Variants in ST3GAL1 observed in about 807,000 individuals in gnomAD.
ST3GAL1 encodes CMP-N-acetylneuraminate-beta-galactosamide-alpha-2,3-sialyltransferase 1.
A neutral mutation model predicts 34.1 loss-of-function variants in ST3GAL1; 16 were observed. That is an observed-to-expected ratio of 0.47 (90% CI 0.32 to 0.71). The LOEUF (loss-of-function observed/expected upper bound fraction) is 0.71. Ranked by LOEUF, ST3GAL1 falls within the 30% of genes least tolerant of loss-of-function variation. The probability of loss-of-function intolerance (pLI) is 0.04; values close to 1 mark genes in which losing one functional copy is unlikely to be tolerated. For missense variants in ST3GAL1, 353 were observed against 447.4 expected (o/e 0.79, Z 1.90); for synonymous variants, 191 against 184.7 (o/e 1.03, Z -0.28).
intron 3 of ST3GAL1, among the ~76,000 whole-genome samples, chr8:133,492,144 G>A (rs972390452): frequency 1.3e-5 from 2 of 152,148 alleles, no homozygotes; most frequent in Non-Finnish European, 2.9e-5. Flanking sequence ...CAGAGGCCCA[G>A]CAAGCAGGTG....
At position 133,508,037 on chromosome 8, in the gene ST3GAL1, CACAG is replaced by C. The variant is rs755147401; in HGVS notation, c.-428-8852_-428-8849del. On this transcript the variant is annotated intron_variant, in intron 2 of 9. Coordinates refer to ENST00000522652, the MANE Select transcript of ST3GAL1 (RefSeq NM_173344.3). The surrounding 1 kb of genome is among the most constrained non-coding windows in gnomAD (Gnocchi z 4.1). ...CTCACCCCCCACACCCTAGGCAGCC[CACAG>C]ACAATGACAGAGGGACATGGGGTTA... 2.4e-4 allele frequency among the ~76,000 whole-genome samples: 36 copies of C among 152,316 alleles called. No individual in the cohort carries two copies. The highest frequency in any genetic ancestry group is 5.0e-4 in the Non-Finnish European group (34 of 68,018).
In ST3GAL1 at chr8:133,555,047, A is replaced by G. The variant is rs1046663889; in HGVS notation, c.-581-9121T>C. Among the ~76,000 whole-genome samples the G allele has an allele frequency of 4.7e-5, 7 of 150,514 alleles. No homozygotes were observed. The South Asian group carries it at 1.5e-3, about 32-fold the overall frequency. ...CAGCCTACTTGGGTTTTTCTACTTC[A>G]CTCTGAGGGCTGGGGAGACAAGGGA... On this transcript the variant is annotated intron_variant, in intron 1 of 9. Transcript: ENST00000522652.
At chr8:133,474,195 A>G in intron 5 of ST3GAL1, among the ~76,000 whole-genome samples, 1 of 152,176 alleles carries the variant, frequency 6.6e-6, no homozygotes. Flanking sequence ...TCACTCCTGT[A>G]GGAAGCCTTC....
intron 3 of ST3GAL1, among the ~76,000 whole-genome samples, chr8:133,485,475 C>A (rs1194390748): frequency 6.6e-6 from 1 of 152,238 alleles, no homozygotes; most frequent in Non-Finnish European, 1.5e-5. Flanking sequence ...CCCATTCTCA[C>A]TGCCCTTCCA....
At chr8:133,473,475 T>A (rs146354834) in intron 5 of ST3GAL1, among the ~76,000 whole-genome samples, 37 of 152,282 alleles carry the variant, frequency 2.4e-4, no homozygotes, top group Non-Finnish European at 2.9e-5. Context: ...AAAAGGCCTT[T>A]GTAAACAGAA....
chr8:133,568,265 T>A (rs1420748137), intron 1 of ST3GAL1, among the ~76,000 whole-genome samples: 2 of 152,138 alleles, frequency 1.3e-5, no homozygotes, highest in Non-Finnish European at 1.5e-5. Context: ...GAGCCTGGAA[T>A]AGTTTGGGAG....
chr8:133,476,724 C>G (rs1463127369), intron 3 of ST3GAL1, 124 bp from the exon 4 acceptor site: 4 of 152,258 alleles, frequency 2.6e-5, no homozygotes, highest in Admixed American at 2.6e-4. Context: ...GCCAACCTGG[C>G]AGGTGGCTCT....
intron 5 of ST3GAL1, among the ~76,000 whole-genome samples, chr8:133,468,410 G>A (rs1021284307): frequency 6.6e-6 from 1 of 152,202 alleles, no homozygotes; most frequent in African/African-American, 2.4e-5. Context: ...GAGGTACCTA[G>A]AGTAGTCAAA....
At chr8:133,545,312 C>A (rs1461685900) in intron 2 of ST3GAL1, among the ~76,000 whole-genome samples, 2 of 152,216 alleles carry the variant, frequency 1.3e-5, no homozygotes, top group African/African-American at 4.8e-5. Context: ...TACATGACAC[C>A]TGAACAAATG....
intron 5 of ST3GAL1, among the ~76,000 whole-genome samples, chr8:133,471,743 C>A (rs1815970019): frequency 6.6e-6 from 1 of 152,040 alleles, no homozygotes; most frequent in Non-Finnish European, 1.5e-5. Context: ...AAGGGCGAAG[C>A]AGTGGTACCT....
rs1815242773 is a variant in ST3GAL1 at position 133,454,857 on chromosome 8, AT to A, written c.*4906del. The stretch of plus-strand genomic sequence containing the variant: ...GCAACAAACACACCCAAACAATAAA[AT>A]AGCTCTTTGTTTATTCACTTTGATT... On this transcript the variant is annotated 3_prime_UTR_variant, in exon 10 of 10. Coordinates refer to ENST00000522652, the MANE Select transcript of ST3GAL1 (RefSeq NM_173344.3). 1 of 152,230 alleles carries A rather than the reference AT, an allele frequency of 6.6e-6. No individual in the cohort carries two copies. The highest frequency in any genetic ancestry group is 2.4e-5 in the African/African-American group (1 of 41,444). 9.4% of individuals were successfully genotyped at this position (152,230 alleles called of 1,614,324 possible).
At chr8:133,569,774 C>T (rs6988039) in intron 1 of ST3GAL1, among the ~76,000 whole-genome samples, 5 of 152,146 alleles carry the variant, frequency 3.3e-5, no homozygotes, top group African/African-American at 7.2e-5. Flanking sequence ...GCAGTTTCCA[C>T]AGCAGCCGGC....
At chr8:133,476,824 G>T (rs1816200357) in intron 3 of ST3GAL1, among the ~76,000 whole-genome samples, 1 of 152,190 alleles carries the variant, frequency 6.6e-6, no homozygotes, top group South Asian at 2.1e-4. Context: ...TGCAGAAGGT[G>T]TCCCCTCCAT....
intron 2 of ST3GAL1, among the ~76,000 whole-genome samples, chr8:133,505,200 T>C (rs898861534): frequency 2.0e-5 from 3 of 152,158 alleles, no homozygotes; most frequent in East Asian, 1.9e-4. Context: ...TTTTCTGAAC[T>C]ACCTTTTTAA....
chr8:133,523,856 A>G (rs1182038792), intron 2 of ST3GAL1, among the ~76,000 whole-genome samples: 1 of 152,184 alleles, frequency 6.6e-6, no homozygotes, highest in East Asian at 1.9e-4. Flanking sequence ...GCTTTAGCCA[A>G]TGGAATGTGG....
chr8:133,540,776 G>GACATATATATATATAT (rs1563733918), intron 2 of ST3GAL1, among the ~76,000 whole-genome samples: 8 of 73,840 alleles, frequency 1.1e-4, no homozygotes, highest in Admixed American at 1.5e-4. Context: ...TATATATATA[G>GACATATATATATATAT]AGACATATAT....
intron 2 of ST3GAL1, among the ~76,000 whole-genome samples, chr8:133,535,308 C>G (rs185744527): frequency 2.6e-5 from 4 of 152,306 alleles, no homozygotes; most frequent in South Asian, 4.1e-4. Flanking sequence ...CTATAGAATA[C>G]TGGCTGTTAG....
chr8:133,559,581 A>G (rs1305749044), intron 1 of ST3GAL1, among the ~76,000 whole-genome samples: 1 of 152,218 alleles, frequency 6.6e-6, no homozygotes, highest in African/African-American at 2.4e-5. Flanking sequence ...GTGGCAGCTA[A>G]CATGTTTCCT....
At chr8:133,526,297 C>A (rs1249854426) in intron 2 of ST3GAL1, among the ~76,000 whole-genome samples, 1 of 152,158 alleles carries the variant, frequency 6.6e-6, no homozygotes, top group Admixed American at 6.5e-5. Context: ...CTACCATACT[C>A]ATTCCCCAGC....
Sources: gnomAD v4.1 joint callset for allele counts (sites outside exome capture counted in the v4.1 genomes callset) on GRCh38, gnomAD v4.1.1 for gene constraint, Gnocchi (gnomAD v3.1) non-coding constraint, MANE v1.5 for transcripts, NCBI Gene and HGNC (gene_info 2026-07-23, HGNC 2026-07-21) for gene names.